Variants in MACROD2 observed in about 807,000 individuals in gnomAD.
The protein encoded by MACROD2 is ADP-ribose glycohydrolase MACROD2.
Under a neutral mutation model 70.4 loss-of-function variants are expected in MACROD2, and 36 were observed. The ratio of observed to expected loss-of-function variants is 0.51; its 90% CI spans 0.39 to 0.68. The LOEUF (loss-of-function observed/expected upper bound fraction) is 0.68, where lower values mean the gene tolerates loss of function less well. Among genes scored for constraint, MACROD2 ranks in the 30% least tolerant of loss-of-function variants. The pLI is 0.00. For missense variants in MACROD2, 496 were observed against 538.4 expected, an observed-to-expected ratio of 0.92 and a Z score of 0.78; for synonymous variants, 172 against 178.8, an observed-to-expected ratio of 0.96 and a Z score of 0.30.
intron 12 of MACROD2, among the ~76,000 whole-genome samples, chr20:15,955,294 G>T (rs572056395): frequency 6.6e-6 from 1 of 152,198 alleles, no homozygotes; most frequent in South Asian, 2.1e-4. Flanking sequence ...CCTGATTATG[G>T]AGGACTCTGA....
intron 8 of MACROD2, among the ~76,000 whole-genome samples, chr20:15,586,547 T>A (rs770199878): frequency 6.6e-6 from 1 of 152,192 alleles, no homozygotes; most frequent in Non-Finnish European, 1.5e-5. Context: ...CACACTGATC[T>A]CAATATAAAA....
chr20:15,112,861 G>C (rs2075965047), intron 5 of MACROD2, among the ~76,000 whole-genome samples: 1 of 151,812 alleles, frequency 6.6e-6, no homozygotes, highest in South Asian at 2.1e-4. Context: ...AACTGTTCTA[G>C]GTATGTCATA....
intron 5 of MACROD2, among the ~76,000 whole-genome samples, chr20:15,093,377 C>A (rs1161631362): frequency 2.0e-5 from 3 of 152,076 alleles, no homozygotes; most frequent in Non-Finnish European, 4.4e-5. Context: ...TTCCATTGTC[C>A]TTTTGTGATA....
intron 3 of MACROD2, among the ~76,000 whole-genome samples, chr20:14,248,093 A>AT (rs958770765): frequency 4.1e-5 from 4 of 97,984 alleles, no homozygotes; most frequent in Non-Finnish European, 6.3e-5. Context: ...GATACGCCAT[A>AT]TTTTTTTTAC....
chr20:14,272,200 A>T (rs1204562331), intron 3 of MACROD2, among the ~76,000 whole-genome samples: 1 of 152,170 alleles, frequency 6.6e-6, no homozygotes, highest in Non-Finnish European at 1.5e-5. Flanking sequence ...TGTGAGATTC[A>T]CCAAAGTTGA....
intron 8 of MACROD2, among the ~76,000 whole-genome samples, chr20:15,740,471 T>C (rs924613358): frequency 2.0e-5 from 3 of 152,032 alleles, no homozygotes; most frequent in Non-Finnish European, 4.4e-5. Context: ...CATAAACAAA[T>C]GGAAGCCTAG....
chr20:15,775,709 G>A (rs557326607), intron 8 of MACROD2, among the ~76,000 whole-genome samples: 11 of 152,210 alleles, frequency 7.2e-5, no homozygotes, highest in Non-Finnish European at 4.4e-5. Flanking sequence ...TTTTCGGGGC[G>A]AGGGGAAGGT....
chr20:15,718,741 C>T (rs34742783), intron 8 of MACROD2, among the ~76,000 whole-genome samples: 33 of 152,218 alleles, frequency 2.2e-4, no homozygotes, highest in African/African-American at 6.5e-4. Context: ...CCATGACTTA[C>T]GGGGGAAGTT....
At chr20:15,776,758 T>C (rs1269702370) in intron 8 of MACROD2, among the ~76,000 whole-genome samples, 1 of 152,166 alleles carries the variant, frequency 6.6e-6, no homozygotes. Flanking sequence ...CATTTCTATT[T>C]TACAGGAGAG....
Position 14,901,206 on chromosome 20 carries a change from A to G in MACROD2, c.418+216247A>G, listed in dbSNP as rs924565424. ...TAGTAGATGCAGTAAACACTATTGC[A>G]GCTTTAAAAATACTTATTATAGTAC... On this transcript the variant is annotated intron_variant, in intron 5 of 17. Transcript: ENST00000684519. Among the ~76,000 whole-genome samples the G allele has an allele frequency of 1.3e-4, 20 of 152,220 alleles. No individual in the cohort carries two copies. In the East Asian group the frequency reaches 3.9e-3, roughly 29 times the overall value.
At chr20:14,841,663 A>C (rs960929897) in intron 5 of MACROD2, among the ~76,000 whole-genome samples, 5 of 152,130 alleles carry the variant, frequency 3.3e-5, no homozygotes, top group Non-Finnish European at 7.4e-5. Context: ...ATCCTTCATC[A>C]AGGCAGTTAC....
At chr20:15,034,364 T>A (rs2075297464) in intron 5 of MACROD2, among the ~76,000 whole-genome samples, 2 of 152,164 alleles carry the variant, frequency 1.3e-5, no homozygotes, top group African/African-American at 2.4e-5. Context: ...CTTTCTCTGC[T>A]GTGTTCCTGG....
intron 6 of MACROD2, among the ~76,000 whole-genome samples, chr20:15,295,294 TC>T (rs1318320794): frequency 6.6e-6 from 1 of 152,230 alleles, no homozygotes; most frequent in Non-Finnish European, 1.5e-5. Flanking sequence ...CTCGGGTATT[TC>T]TTCATATCAA....
chr20:14,506,796 A>G (rs2084973781), intron 4 of MACROD2, among the ~76,000 whole-genome samples: 1 of 152,084 alleles, frequency 6.6e-6, no homozygotes, highest in Admixed American at 6.6e-5. Flanking sequence ...TAAAAAATAC[A>G]AAAAATTAGC....
intron 4 of MACROD2, among the ~76,000 whole-genome samples, chr20:14,608,869 GAGAA>G (rs200178074): frequency 0.024 from 3,609 of 152,256 alleles, 60 homozygotes; most frequent in Admixed American, 0.037. Context: ...GATTAGAGCT[GAGAA>G]AGAGACAGAT....
intron 3 of MACROD2, among the ~76,000 whole-genome samples, chr20:14,408,461 G>A (rs969613223): frequency 6.6e-6 from 1 of 152,124 alleles, no homozygotes; most frequent in African/African-American, 2.4e-5. Context: ...GCTCCCGAGA[G>A]TCTGATTTCC....
intron 5 of MACROD2, among the ~76,000 whole-genome samples, chr20:15,193,343 C>T (rs953980286): frequency 1.3e-5 from 2 of 152,092 alleles, no homozygotes; most frequent in African/African-American, 4.8e-5. Flanking sequence ...AGTATCAAGA[C>T]AGACTTCAGA....
chr20:15,861,848 A>G (rs1383164370), intron 8 of MACROD2, among the ~76,000 whole-genome samples: 2 of 152,122 alleles, frequency 1.3e-5, no homozygotes, highest in African/African-American at 4.8e-5. Flanking sequence ...TCCATTTCCT[A>G]CTGCCACGAG....
At chr20:15,795,016 G>A (rs147969347) in intron 8 of MACROD2, among the ~76,000 whole-genome samples, 180 of 152,080 alleles carry the variant, frequency 1.2e-3, no homozygotes, top group African/African-American at 4.2e-3. Context: ...AGCATTTGAC[G>A]GAGCATATCT....
Sources: allele counts gnomAD v4.1 joint callset (sites outside exome capture counted in the v4.1 genomes callset), GRCh38; gene constraint gnomAD v4.1.1; transcripts MANE v1.5; gene names NCBI Gene and HGNC (gene_info 2026-07-23, HGNC 2026-07-21).